RASGRP1: variants seen among roughly 807,000 people sequenced by gnomAD.
RASGRP1 encodes the protein RAS guanyl-releasing protein 1.
In RASGRP1, 37 loss-of-function variants were observed where a neutral mutation model predicts 95.1. The observed-to-expected ratio is 0.39, with a 90% CI of 0.30 to 0.51. RASGRP1 has a LOEUF of 0.51. RASGRP1 is among the 20% of genes least tolerant of loss of function. RASGRP1 has a pLI of 0.80. For synonymous variants in RASGRP1, 325 were observed against 353.4 expected, an observed-to-expected ratio of 0.92 and a Z score of 0.90; for missense variants, 711 against 965.4, an observed-to-expected ratio of 0.74 and a Z score of 3.49.
chr15:38,545,010 T>C (rs1893055402), intron 2 of RASGRP1, among the ~76,000 whole-genome samples: 1 of 152,242 alleles, frequency 6.6e-6, no homozygotes, highest in African/African-American at 2.4e-5. Context: ...TTTTGATGTT[T>C]AATTTTTTTA....
chr15:38,557,629 G>GTGTA lies in RASGRP1; in HGVS notation c.220+2191_220+2192insTACA, dbSNP rs745934661. Among the ~76,000 whole-genome samples the GTGTA allele has an allele frequency of 4.1e-4, 61 of 147,456 alleles. 1 individual carries two copies. The highest frequency in any genetic ancestry group is 2.4e-3 in the Admixed American group (35 of 14,870). ...TGTGTGTGTGTGTGTGTGTGTGTGT[G>GTGTA]TATATATATATATATATTTCCTGAA... On this transcript the variant is annotated intron_variant, in intron 2 of 16. Transcript: ENST00000310803.
At chr15:38,558,746 A>G (rs1192818197) in intron 2 of RASGRP1, among the ~76,000 whole-genome samples, 1 of 152,270 alleles carries the variant, frequency 6.6e-6, no homozygotes, top group Non-Finnish European at 1.5e-5. Flanking sequence ...AAACTGTTCA[A>G]TGCTGTACTA....
chr15:38,564,126 G>C (rs536474879), intron 1 of RASGRP1, among the ~76,000 whole-genome samples: 1 of 152,228 alleles, frequency 6.6e-6, no homozygotes, highest in Non-Finnish European at 1.5e-5. Flanking sequence ...GGCAACCGAG[G>C]GGTGCCACCT....
intron 2 of RASGRP1, among the ~76,000 whole-genome samples, chr15:38,559,173 T>C (rs1425995935): frequency 1.3e-5 from 2 of 152,246 alleles, no homozygotes; most frequent in African/African-American, 2.4e-5. Context: ...TTATAACATT[T>C]TAAAAAATCT....
chr15:38,490,478 C>G lies in RASGRP1; in HGVS notation c.*76G>C, dbSNP rs148397950. 1.6e-3 allele frequency: 2,279 copies of G among 1,463,510 alleles called. 10 individuals carry two copies. Among genetic ancestry groups the G allele is most frequent in the Middle Eastern group, 0.011 (59 of 5,556 alleles). 90.7% of individuals were successfully genotyped at this position (1,463,510 alleles called of 1,614,324 possible). A position where few individuals can be genotyped will look rare whatever the true frequency, so the allele number is the denominator to read the frequency against. The stretch of plus-strand genomic sequence containing the variant: ...TTTTAAAGCTGGTCAGTGTAAAGTT[C>G]CTCAGGTCTGTGCATTACAGTTTAG... On this transcript the variant is annotated 3_prime_UTR_variant, in exon 17 of 17. Coordinates refer to ENST00000310803, the MANE Select transcript of RASGRP1 (RefSeq NM_005739.4).
At chr15:38,557,152 GAGACCTACGGA>G (rs1444110081) in intron 2 of RASGRP1, among the ~76,000 whole-genome samples, 1 of 152,168 alleles carries the variant, frequency 6.6e-6, no homozygotes, top group Non-Finnish European at 1.5e-5. Flanking sequence ...ACCTCTTAAA[GAGACCTACGGA>G]AGCACAGGCA....
chr15:38,527,205 T>C (rs1595860545), intron 2 of RASGRP1, among the ~76,000 whole-genome samples: 1 of 152,242 alleles, frequency 6.6e-6, no homozygotes, highest in African/African-American at 2.4e-5. Context: ...CCAGATCTAT[T>C]CTTTCACCAT....
chr15:38,507,677 C>T lies in RASGRP1; in HGVS notation c.1242+49G>A, dbSNP rs371162474. On this transcript the variant is annotated intron_variant, in intron 9 of 16. Coordinates refer to ENST00000310803, the MANE Select transcript of RASGRP1 (RefSeq NM_005739.4). ...ATTTGGTAAGGGGTATAGAATGGCA[C>T]CTGGCACACAGAAAGTGCTTAGTAA... 4.9e-4 allele frequency: 747 copies of T among 1,531,914 alleles called. 2 individuals are homozygous for T. Among genetic ancestry groups the T allele is most frequent in the Admixed American group, 2.2e-3 (110 of 50,292 alleles). The allele number at this position is 1,531,914 out of a possible 1,614,324, so 94.9% of individuals were successfully genotyped here.
rs753040113 is a variant in RASGRP1, at chr15:38,516,228, T to C, written c.644A>G (p.Tyr215Cys). The change falls in exon 6 of 17, where the codon TAC becomes TGC. Residue 215 changes from tyrosine (Y) to cysteine (C), a missense_variant. Around this residue, in one of 3 missense-constraint regions of RASGRP1, gnomAD observed 491 missense variants for 676.6 expected, o/e 0.73. Coordinates refer to ENST00000310803, the MANE Select transcript of RASGRP1 (RefSeq NM_005739.4). Reference protein sequence around the residue: ...EPEELSEHLTYLEFKSFRRIS... With the variant: ...EPEELSEHLTCLEFKSFRRIS... ...CCTCCGGAAAGACTTGAACTCAAGG[T>C]AGGTGAGGTGCTCGGATAGCTCTTC... 6.2e-7 allele frequency: 1 copy of C among 1,601,694 alleles called. No individual in the cohort carries two copies. The highest frequency in any genetic ancestry group is 2.2e-5 in the East Asian group (1 of 44,820).
At chr15:38,538,596 TG>T (rs1892750126) in intron 2 of RASGRP1, among the ~76,000 whole-genome samples, 1 of 152,194 alleles carries the variant, frequency 6.6e-6, no homozygotes, top group Non-Finnish European at 1.5e-5. Context: ...ATCTGACAGA[TG>T]AAGAAACTGA....
chr15:38,500,747 C>T (rs2141088795), intron 13 of RASGRP1, among the ~76,000 whole-genome samples: 1 of 152,198 alleles, frequency 6.6e-6, no homozygotes, highest in East Asian at 1.9e-4. Flanking sequence ...TAGAGCCTTG[C>T]ATCAGGACCC....
intron 2 of RASGRP1, among the ~76,000 whole-genome samples, chr15:38,538,851 T>A (rs575481568): frequency 6.6e-6 from 1 of 152,318 alleles, no homozygotes; most frequent in African/African-American, 2.4e-5. Flanking sequence ...GGTTCTGAAC[T>A]GAGTTCACAC....
chr15:38,491,044 C>A (rs981409362), intron 16 of RASGRP1, among the ~76,000 whole-genome samples: 2 of 152,182 alleles, frequency 1.3e-5, no homozygotes, highest in African/African-American at 4.8e-5. Flanking sequence ...GAAAGCATGA[C>A]TGAGAATTCT....
chr15:38,520,056 CT>C (rs1381739111), intron 3 of RASGRP1, among the ~76,000 whole-genome samples: 1 of 152,110 alleles, frequency 6.6e-6, no homozygotes, highest in Non-Finnish European at 1.5e-5. Context: ...ATAGCAAGAT[CT>C]CATCAAGTTC....
In RASGRP1 at chr15:38,564,722, C is replaced by A. The variant is rs55699464; in HGVS notation, c.-94G>T. ...CACCGCCGCCGCCTGCCGGCTCTCT[C>A]CCCCCCGGGCCTCGTAGCCCCGGCG... On this transcript the variant is annotated 5_prime_UTR_variant, in exon 1 of 17. Transcript: ENST00000310803. 11 of 1,042,016 alleles carry A rather than the reference C, an allele frequency of 1.1e-5. No individual in the cohort carries two copies. The highest frequency in any genetic ancestry group is 1.7e-5 in the African/African-American group (1 of 58,636). The allele number at this position is 1,042,016 out of a possible 1,614,324, so 64.5% of individuals were successfully genotyped here.
intron 3 of RASGRP1, among the ~76,000 whole-genome samples, chr15:38,523,453 CTG>C (rs1892075121): frequency 6.6e-6 from 1 of 152,152 alleles, no homozygotes; most frequent in Admixed American, 6.5e-5. Context: ...CAGCTGTACA[CTG>C]TGTAGAGTCA....
At chr15:38,540,303 G>A (rs559377665) in intron 2 of RASGRP1, among the ~76,000 whole-genome samples, 20 of 152,276 alleles carry the variant, frequency 1.3e-4, no homozygotes, top group Non-Finnish European at 2.6e-4. Context: ...GTTCCCTACA[G>A]TCTCTAGTTC....
intron 8 of RASGRP1, among the ~76,000 whole-genome samples, chr15:38,509,750 T>G (rs1289671422): frequency 6.6e-6 from 1 of 152,158 alleles, no homozygotes; most frequent in Admixed American, 6.5e-5. Flanking sequence ...ATAAAATTTA[T>G]GAATTATTTC....
intron 9 of RASGRP1, 137 bp from the exon 10 acceptor site, chr15:38,506,057 A>G (rs1222535920): frequency 1.6e-6 from 1 of 637,450 alleles, no homozygotes; most frequent in Non-Finnish European, 2.8e-6. Context: ...AAAGTCACAA[A>G]ACAGGTATAA....
Sources: gnomAD v4.1 joint callset for allele counts (sites outside exome capture counted in the v4.1 genomes callset) on GRCh38, gnomAD v4.1.1 for gene constraint, gnomAD v4.1.1 regional missense constraint, MANE v1.5 for transcripts, NCBI Gene and HGNC (gene_info 2026-07-23, HGNC 2026-07-21) for gene names.